FMNL1: variants seen among roughly 807,000 people sequenced by gnomAD.
FMNL1 encodes the protein formin-like protein 1.
Under a neutral mutation model 121.3 loss-of-function variants are expected in FMNL1, and 43 were observed. The ratio of observed to expected loss-of-function variants is 0.35; its 90% confidence interval spans 0.28 to 0.46. FMNL1 has a LOEUF of 0.46. Among genes scored for constraint, FMNL1 ranks in the 20% least tolerant of loss-of-function variants. The pLI is 1.00. For missense variants in FMNL1, 1,191 were observed against 1,482.4 expected, an observed-to-expected ratio of 0.80 and a Z score of 3.23; for synonymous variants, 613 against 613.5, an observed-to-expected ratio of 1.00 and a Z score of 0.01.
At chr17:45,236,857 A>ATCCCAG (rs1310619776) in intron 7 of FMNL1, among the ~76,000 whole-genome samples, 3 of 152,248 alleles carry the variant, frequency 2.0e-5, no homozygotes, top group Non-Finnish European at 4.4e-5. Flanking sequence ...CATATCTGTA[A>ATCCCAG]TCCCAGCACT....
chr17:45,244,288 A>G, intron 19 of FMNL1, 44 bp downstream of exon 19: 1 of 1,581,406 alleles, frequency 6.3e-7, no homozygotes, highest in Non-Finnish European at 8.6e-7. Flanking sequence ...TGTTCTGGAT[A>G]GTGTGAGAGG....
At position 45,232,343 on chromosome 17, in the gene FMNL1, G is replaced by T. The variant is rs373451425; in HGVS notation, c.214-24G>T. On this transcript the variant is annotated intron_variant, in intron 2 of 26. Coordinates refer to ENST00000331495, the MANE Select transcript of FMNL1 (RefSeq NM_005892.4). Reference sequence around the variant, plus strand: ...CTGGGGTAGCTCTGGCTGGTTTTCTGTACACCCCATTCCATCTCCCCAGGA... The same window carrying T: ...CTGGGGTAGCTCTGGCTGGTTTTCTTTACACCCCATTCCATCTCCCCAGGA... The T allele has an allele frequency of 5.0e-6, 8 of 1,610,350 alleles. No individual in the cohort carries two copies. The African/African-American group carries it at 8.0e-5, about 16-fold the overall frequency.
rs915724460 is a variant in FMNL1 at position 45,243,809 on chromosome 17, G to A, written c.2232G>A (p.Leu744=). 5.6e-6 allele frequency: 9 copies of A among 1,612,000 alleles called. No homozygotes were observed. Among genetic ancestry groups the A allele is most frequent in the Middle Eastern group, 1.6e-4 (1 of 6,080 alleles). Residue 744 remains leucine, a synonymous_variant, in exon 18 of 27, where the codon CTG becomes CTA. Coordinates refer to ENST00000331495, the MANE Select transcript of FMNL1 (RefSeq NM_005892.4). ...CTCACAGGTACGACCTGCAGGCTCT[G>A]GGCCTGGACTTCCTGGAGCTGCTGA... ...QAIEAYDLQA[L]GLDFLELLMR... is the part of the protein sequence containing the mutation.
Position 45,222,214 on chromosome 17 carries a change from C to T in FMNL1, c.90C>T (p.Pro30=), listed in dbSNP as rs767490114. The stretch of plus-strand genomic sequence containing the variant: ...CCGCGCCTCCCAAGCAGCCGATGCC[C>T]GCGGCCGGAGAGCTGGAGGAGAGGT... The part of the protein sequence containing the change: ...KQPAPPKQPM[P]AAGELEERFN... Residue 30 remains proline (P), a synonymous_variant, in exon 1 of 27, where the codon CCC becomes CCT. Coordinates refer to ENST00000331495, the MANE Select transcript of FMNL1 (RefSeq NM_005892.4). 6.3e-4 allele frequency: 791 copies of T among 1,257,102 alleles called. No individual in the cohort carries two copies. The highest frequency in any genetic ancestry group is 7.1e-4 in the Non-Finnish European group (706 of 995,650). 77.9% of individuals were successfully genotyped at this position (1,257,102 alleles called of 1,614,324 possible).
At chr17:45,243,421 C>CA (rs1418739148) in intron 17 of FMNL1, 101 bp downstream of exon 17, 55 of 1,327,354 alleles carry the variant, frequency 4.1e-5, no homozygotes, top group Non-Finnish European at 5.3e-5. Context: ...TGAGCTCTTT[C>CA]ATCAGGCTTC....
At chr17:45,246,359 T>A (rs754184982) in intron 25 of FMNL1, 29 bp downstream of exon 25, 4 of 1,614,102 alleles carry the variant, frequency 2.5e-6, no homozygotes, top group Non-Finnish European at 3.4e-6. Flanking sequence ...CTTGGTCTTA[T>A]CCTCAGTCTG....
Position 45,245,959 on chromosome 17 carries a change from C to T in FMNL1, c.3076C>T (p.Pro1026Ser). The change falls in exon 24 of 27, where the codon CCC becomes TCC. Residue 1026 changes from proline to serine, a missense_variant. Physicochemically the swap from Pro to Ser is moderately conservative, Grantham distance 74. Around this residue, in one of 4 missense-constraint regions of FMNL1, gnomAD observed 367 missense variants for 528.6 expected, o/e 0.69. Transcript: ENST00000331495. Reference protein sequence around the residue: ...AGADTPGKGEPPAPKSPPKAR... With the variant: ...AGADTPGKGESPAPKSPPKAR... The stretch of plus-strand genomic sequence containing the variant: ...CGCTGATACCCCGGGCAAAGGGGAG[C>T]CCCCAGCACCCAAGGTAGGCAACTG... The T allele has an allele frequency of 1.3e-6, 2 of 1,564,160 alleles. No individual in the cohort carries two copies. The highest frequency in any genetic ancestry group is 1.7e-6 in the Non-Finnish European group (2 of 1,161,138).
Position 45,237,437 on chromosome 17 carries a change from C to T in FMNL1, c.800+80C>T. 1 of 1,607,126 alleles carries T rather than the reference C, an allele frequency of 6.2e-7. No homozygotes were observed. Among genetic ancestry groups the T allele is most frequent in the Non-Finnish European group, 8.5e-7 (1 of 1,173,678 alleles). ...CCCTTGCTTACTCTGTCCTCCAGGTCTCAGAGGCTCATTCTGCACCCACTA... is the reference window on the plus strand; with the variant it reads ...CCCTTGCTTACTCTGTCCTCCAGGTTTCAGAGGCTCATTCTGCACCCACTA... On this transcript the variant is annotated intron_variant, in intron 8 of 26. Transcript: ENST00000331495. The surrounding 1 kb of genome is among the most constrained non-coding windows in gnomAD (Gnocchi z 4.4).
chr17:45,240,693 C>T (rs370985277), intron 12 of FMNL1, 68 bp downstream of exon 12: 46 of 1,548,450 alleles, frequency 3.0e-5, no homozygotes, highest in Middle Eastern at 2.3e-4. Context: ...CACAGGGCCA[C>T]GCAAGCATGG....
At chr17:45,246,415 C>G in intron 25 of FMNL1, 85 bp downstream of exon 25, 1 of 1,612,458 alleles carries the variant, frequency 6.2e-7, no homozygotes, top group African/African-American at 1.3e-5. Context: ...CTCTGGGGGA[C>G]TGGCTGCCAC....
rs749054379 is a variant in FMNL1 at position 45,233,688 on chromosome 17, G to C, written c.442G>C (p.Asp148His). ...CCTCAATGAAGAGAACCGTGGCCTG[G>C]ATGTGCTGCTCGAGTACCTGGCCTT... ...EFLNEENRGL[D>H]VLLEYLAFAQ... Residue 148 changes from aspartate to histidine, a missense_variant, in exon 5 of 27, where the codon GAT becomes CAT. This residue lies in a region of FMNL1 where 253 missense variants were observed against 417.5 expected (regional missense o/e 0.61). Transcript: ENST00000331495. The surrounding 1 kb of genome is among the most constrained non-coding windows in gnomAD (Gnocchi z 4.1). 1.9e-6 allele frequency: 3 copies of C among 1,613,954 alleles called. No individual in the cohort carries two copies. Among genetic ancestry groups the C allele is most frequent in the Non-Finnish European group, 2.5e-6 (3 of 1,179,998 alleles).
Position 45,238,610 on chromosome 17 carries a change from G to A in FMNL1, c.941G>A (p.Arg314Gln), listed in dbSNP as rs146945062. Residue 314 changes from arginine (R) to glutamine (Q), a missense_variant, in exon 10 of 27, where the codon CGG (arginine) becomes CAG (glutamine). By Grantham distance (43) the Arg-to-Gln change is conservative. Transcript: ENST00000331495. ...HRFEKLMEYF[R>Q]NEDSNIDFMV... is the part of the protein sequence containing the mutation. ...TTTGAAAAGCTGATGGAATATTTCC[G>A]GAATGAGGACAGCAACATCGACTTC... 33 of 1,614,196 alleles carry A rather than the reference G, an allele frequency of 2.0e-5. No homozygotes were observed. Among genetic ancestry groups the A allele is most frequent in the African/African-American group, 2.0e-4 (15 of 75,052 alleles).
In FMNL1 at chr17:45,233,862, C is replaced by G; in HGVS notation, c.485+131C>G. ...CCTACCCTGGAACCCTCCACTTGGC[C>G]TTGAGCGATGCTCCTTCCAGAAGGC... On this transcript the variant is annotated intron_variant, in intron 5 of 26. Coordinates refer to ENST00000331495, the MANE Select transcript of FMNL1 (RefSeq NM_005892.4). The surrounding 1 kb of genome is among the most constrained non-coding windows in gnomAD (Gnocchi z 4.1). 1 of 1,374,340 alleles carries G rather than the reference C, an allele frequency of 7.3e-7. No homozygotes were observed. The highest frequency in any genetic ancestry group is 2.5e-5 in the East Asian group (1 of 40,136). 85.1% of individuals were successfully genotyped at this position (1,374,340 alleles called of 1,614,324 possible).
rs559383528 is a variant in FMNL1, at chr17:45,247,275, A to C, written c.*417A>C. Reference sequence around the variant, plus strand: ...CAAGCCCCAGCCCCGAGGACCGTCCATGGACCTTATTTTTATATGAGATTA... The same window carrying C: ...CAAGCCCCAGCCCCGAGGACCGTCCCTGGACCTTATTTTTATATGAGATTA... On this transcript the variant is annotated 3_prime_UTR_variant, in exon 27 of 27. Transcript: ENST00000331495. 5.1e-6 allele frequency: 2 copies of C among 389,688 alleles called. No homozygotes were observed. The highest frequency in any genetic ancestry group is 7.9e-5 in the East Asian group (2 of 25,382). 24.1% of individuals were successfully genotyped at this position (389,688 alleles called of 1,614,324 possible). A position where few individuals can be genotyped will look rare whatever the true frequency, so the allele number is the denominator to read the frequency against.
chr17:45,232,418 A>G lies in FMNL1; in HGVS notation c.265A>G (p.Ser89Gly), dbSNP rs764945252. 1 of 1,613,806 alleles carries G rather than the reference A, an allele frequency of 6.2e-7. No homozygotes were observed. The highest frequency in any genetic ancestry group is 1.1e-5 in the South Asian group (1 of 91,054). The change falls in exon 3 of 27, where the codon AGC (serine) becomes GGC (glycine). Residue 89 changes from serine (S) to glycine (G), a missense_variant. Coordinates refer to ENST00000331495, the MANE Select transcript of FMNL1 (RefSeq NM_005892.4). ...PPAAYIQKLK[S>G]YVDTGGVSRK... ...CGCAGCCTACATCCAGAAGCTGAAG[A>G]GCTATGTGGATACTGGTGGGGTCAG...
intron 16 of FMNL1, 44 bp from the exon 17 acceptor site, chr17:45,243,074 A>C (rs1165846494): frequency 1.2e-6 from 2 of 1,605,372 alleles, no homozygotes; most frequent in Non-Finnish European, 1.7e-6. Flanking sequence ...AGAGTGCCAG[A>C]CCCCAGCCCC....
chr17:45,235,804 C>A (rs893322512), intron 6 of FMNL1, among the ~76,000 whole-genome samples: 13 of 152,184 alleles, frequency 8.5e-5, no homozygotes, highest in Non-Finnish European at 1.3e-4. Context: ...GAATTCAGAT[C>A]TGCGTCTTAC....
intron 2 of FMNL1, 120 bp from the exon 3 acceptor site, chr17:45,232,247 G>A (rs377225977): frequency 9.9e-6 from 8 of 809,836 alleles, no homozygotes; most frequent in East Asian, 2.7e-5. Flanking sequence ...TTTCAGAGGC[G>A]TCTTAAGAAA....
rs778164279 is a variant in FMNL1, at chr17:45,245,423, C to T, written c.2892+7C>T. ...AGACAGCAAGACGGCTCAGGTGCGC[C>T]AGGGCTGGCCTCACCTGGAGGTGGG... On this transcript the variant is annotated splice_region_variant and intron_variant, in intron 22 of 26. Coordinates refer to ENST00000331495, the MANE Select transcript of FMNL1 (RefSeq NM_005892.4). The T allele has an allele frequency of 1.9e-6, 3 of 1,614,082 alleles. No homozygotes were observed. In the East Asian group the frequency reaches 6.7e-5, roughly 36 times the overall value.
Sources: allele counts gnomAD v4.1 joint callset (sites outside exome capture counted in the v4.1 genomes callset), GRCh38; gene constraint gnomAD v4.1.1; regional missense constraint gnomAD v4.1.1; non-coding constraint Gnocchi (gnomAD v3.1); transcripts MANE v1.5; gene names NCBI Gene and HGNC (gene_info 2026-07-23, HGNC 2026-07-21).